The following GPR19 variants were observed in gnomAD, a reference collection of about 807,000 sequenced individuals.
The protein encoded by GPR19 is G protein-coupled receptor 19.
In GPR19, 14 loss-of-function variants were observed where a neutral mutation model predicts 28.5. That is an observed-to-expected ratio of 0.49 (90% CI 0.32 to 0.77). GPR19 has a LOEUF of 0.77. Ranked by LOEUF, GPR19 falls within the 30% of genes least tolerant of loss-of-function variation. The pLI, the probability that GPR19 is intolerant of heterozygous loss-of-function variation, is 0.03. For missense variants in GPR19, 409 were observed against 504.1 expected, an observed-to-expected ratio of 0.81 and a Z score of 1.81; for synonymous variants, 173 against 184.1, an observed-to-expected ratio of 0.94 and a Z score of 0.49.
the GPR19 span, among the ~76,000 whole-genome samples, chr12:12,710,838 G>C: frequency 6.6e-6 from 1 of 152,124 alleles, no homozygotes; most frequent in Admixed American, 6.5e-5. Context: ...ACTGTGCCTG[G>C]CCTTCTGTAG....
At chr12:12,703,285 T>C in the GPR19 span, 1 of 630,644 alleles carries the variant, frequency 1.6e-6, no homozygotes, top group Non-Finnish European at 2.0e-6. Flanking sequence ...CTTGCCTCTA[T>C]GTCTGTGGCA....
At chr12:12,671,591 T>C (rs1362279396) in intron 3 of GPR19, among the ~76,000 whole-genome samples, 1 of 152,218 alleles carries the variant, frequency 6.6e-6, no homozygotes, top group African/African-American at 2.4e-5. Flanking sequence ...AAACTCGATA[T>C]GCTTTCATGG....
At chr12:12,674,209 C>CAAA (rs35775784) in intron 3 of GPR19, among the ~76,000 whole-genome samples, 10 of 53,990 alleles carry the variant, frequency 1.9e-4, no homozygotes, top group African/African-American at 3.8e-4. Context: ...GACTTTGTCT[C>CAAA]AAAAAAAAAA....
At chr12:12,717,245 G>A in the GPR19 span, 2 of 1,055,130 alleles carry the variant, frequency 1.9e-6, no homozygotes, top group Non-Finnish European at 2.3e-6. Context: ...ACGAGGGGAG[G>A]TGGCGGAACC....
chr12:12,691,003 C>T (rs1214708333), intron 2 of GPR19, among the ~76,000 whole-genome samples: 1 of 151,784 alleles, frequency 6.6e-6, no homozygotes, highest in East Asian at 1.9e-4. Flanking sequence ...AATATGGATT[C>T]TGAAGTAGTG....
intron 3 of GPR19, among the ~76,000 whole-genome samples, chr12:12,682,506 G>C (rs551645338): frequency 6.6e-6 from 1 of 152,292 alleles, no homozygotes; most frequent in South Asian, 2.1e-4. Context: ...CCATAAACCA[G>C]GCCTGGTGAT....
intron 3 of GPR19, among the ~76,000 whole-genome samples, chr12:12,665,421 G>A (rs1220300252): frequency 6.6e-6 from 1 of 152,216 alleles, no homozygotes; most frequent in Non-Finnish European, 1.5e-5. Flanking sequence ...AACAGGACGA[G>A]GGAGCCCGAG....
chr12:12,707,843 C>T, the GPR19 span, among the ~76,000 whole-genome samples: 4 of 149,344 alleles, frequency 2.7e-5, no homozygotes, highest in South Asian at 2.1e-4. Flanking sequence ...CTTGGCCTCT[C>T]GAAGTGCTGG....
intron 2 of GPR19, chr12:12,688,985 G>T (rs966400411): frequency 2.0e-5 from 3 of 152,258 alleles, no homozygotes; most frequent in African/African-American, 7.2e-5. Context: ...AAGAAAAGAG[G>T]TTTAATTGTA....
chr12:12,681,306 C>T (rs113938760), intron 3 of GPR19, among the ~76,000 whole-genome samples: 180 of 152,302 alleles, frequency 1.2e-3, no homozygotes, highest in Middle Eastern at 6.8e-3. Flanking sequence ...CTGTTGTGTC[C>T]GAAAGGCAGG....
intron 3 of GPR19, among the ~76,000 whole-genome samples, chr12:12,681,180 C>T (rs1371659744): frequency 2.6e-5 from 4 of 152,188 alleles, no homozygotes; most frequent in South Asian, 2.1e-4. Context: ...GAAGAAACTA[C>T]GTCCACACTC....
chr12:12,704,920 CT>C, the GPR19 span, among the ~76,000 whole-genome samples: 1 of 152,092 alleles, frequency 6.6e-6, no homozygotes, highest in East Asian at 1.9e-4. Context: ...AGGAAAACTA[CT>C]TGGAAACATT....
intron 3 of GPR19, among the ~76,000 whole-genome samples, chr12:12,675,595 T>A (rs148517985): frequency 1.4e-3 from 217 of 152,270 alleles, no homozygotes; most frequent in African/African-American, 4.8e-3. Context: ...TGCAGGGAAC[T>A]TTCTCTGGCA....
At chr12:12,699,416 T>G (rs77065873), upstream of GPR19, among the ~76,000 whole-genome samples, 1,532 of 152,206 alleles carry the variant, frequency 0.01, 14 homozygotes, top group Non-Finnish European at 0.012. Flanking sequence ...ATAAGCCAAA[T>G]AAATTTTGCT....
intron 3 of GPR19, among the ~76,000 whole-genome samples, chr12:12,682,683 C>T (rs962755308): frequency 3.3e-5 from 5 of 152,134 alleles, no homozygotes; most frequent in East Asian, 1.9e-4. Flanking sequence ...GACACAATTA[C>T]GTCTTAAAGT....
the GPR19 span, among the ~76,000 whole-genome samples, chr12:12,709,059 A>G: frequency 6.6e-6 from 1 of 152,198 alleles, no homozygotes; most frequent in Non-Finnish European, 1.5e-5. Context: ...AAAAAAAAAA[A>G]AAAATTAAAG....
chr12:12,669,650 A>G (rs1399790957), intron 3 of GPR19, among the ~76,000 whole-genome samples: 1 of 152,220 alleles, frequency 6.6e-6, no homozygotes, highest in African/African-American at 2.4e-5. Context: ...CAGCCATGGT[A>G]GGAGTATGGC....
At chr12:12,709,452 T>C in the GPR19 span, among the ~76,000 whole-genome samples, 1 of 152,174 alleles carries the variant, frequency 6.6e-6, no homozygotes, top group Non-Finnish European at 1.5e-5. Flanking sequence ...AGTGTCCTTT[T>C]GTTTTTGAGA....
At chr12:12,685,510 T>A (rs545173572) in intron 2 of GPR19, among the ~76,000 whole-genome samples, 364 of 152,232 alleles carry the variant, frequency 2.4e-3, no homozygotes, top group Non-Finnish European at 4.2e-3. Context: ...GTTGCCATGG[T>A]GCTAGGTAAC....
Sources: allele counts gnomAD v4.1 joint callset (sites outside exome capture counted in the v4.1 genomes callset), GRCh38; gene constraint gnomAD v4.1.1; transcripts MANE v1.5; gene names NCBI Gene and HGNC (gene_info 2026-07-23, HGNC 2026-07-21).